CPEB2: variants seen among roughly 807,000 people sequenced by gnomAD.
CPEB2 encodes cytoplasmic polyadenylation element-binding protein 2.
In CPEB2, 56 loss-of-function variants were observed where a neutral mutation model predicts 93.6. The ratio of observed to expected loss-of-function variants is 0.60; its 90% confidence interval spans 0.48 to 0.75. The LOEUF (loss-of-function observed/expected upper bound fraction) is 0.75. Among genes scored for constraint, CPEB2 ranks in the 30% least tolerant of loss-of-function variants. The pLI, the probability that CPEB2 is intolerant of heterozygous loss-of-function variation, is 0.00. For synonymous variants in CPEB2, 764 were observed against 586.3 expected (o/e 1.30, Z -4.38); for missense variants, 1,579 against 1,395.1 (o/e 1.13, Z -2.10).
chr4:15,058,317 G>T, intron 8 of CPEB2, 104 bp from the exon 9 acceptor site: 1 of 688,304 alleles, frequency 1.5e-6, no homozygotes, highest in Non-Finnish European at 2.6e-6. Flanking sequence ...CTATTTGATA[G>T]TTTGTTTTTT....
intron 5 of CPEB2, among the ~76,000 whole-genome samples, chr4:15,034,018 A>T (rs1221669086): frequency 6.6e-6 from 1 of 152,232 alleles, no homozygotes; most frequent in Non-Finnish European, 1.5e-5. Flanking sequence ...AAAGACTGAA[A>T]ATAAGGTACA....
intron 5 of CPEB2, among the ~76,000 whole-genome samples, chr4:15,036,736 G>A (rs1486270944): frequency 6.6e-6 from 1 of 152,152 alleles, no homozygotes; most frequent in East Asian, 1.9e-4. Flanking sequence ...AATGGTATTA[G>A]CAAGCTAGTT....
rs150973031 is a variant in CPEB2 at position 15,063,434 on chromosome 4, C to T, written c.2877+1174C>T. Among the ~76,000 whole-genome samples the T allele has an allele frequency of 9.4e-3, 1,417 of 151,330 alleles. 28 individuals are homozygous for T. Among genetic ancestry groups the T allele is most frequent in the African/African-American group, 0.033 (1,350 of 41,254 alleles). On this transcript the variant is annotated intron_variant, in intron 11 of 11. Coordinates refer to ENST00000538197, the MANE Select transcript of CPEB2 (RefSeq NM_001177382.2). ...GACACGCATACGTAACTTTTCTGAACTTGTCTGAACATTAAGAGTTCCTGT... is the reference window on the plus strand; with the variant it reads ...GACACGCATACGTAACTTTTCTGAATTTGTCTGAACATTAAGAGTTCCTGT...
At chr4:15,004,425 C>G in intron 1 of CPEB2, 90 bp downstream of exon 1, 1 of 1,006,866 alleles carries the variant, frequency 9.9e-7, no homozygotes, top group South Asian at 2.0e-5. Context: ...GGGACCCGAC[C>G]TTAGCCCCGA....
intron 6 of CPEB2, among the ~76,000 whole-genome samples, chr4:15,046,632 A>T (rs1046890514): frequency 2.0e-5 from 3 of 152,118 alleles, no homozygotes. Flanking sequence ...GCACCTTTTC[A>T]TGTGCTTCTA....
chr4:15,049,700 A>G (rs1001482928), intron 6 of CPEB2, among the ~76,000 whole-genome samples: 8 of 152,214 alleles, frequency 5.3e-5, no homozygotes, highest in Non-Finnish European at 8.8e-5. Flanking sequence ...GCGGTATTTG[A>G]AAAGTTAAGC....
At chr4:15,054,069 AT>A in intron 7 of CPEB2, 58 bp from the exon 8 acceptor site, 1 of 1,168,866 alleles carries the variant, frequency 8.6e-7, no homozygotes, top group East Asian at 2.4e-5. Flanking sequence ...ACAGTACAGA[AT>A]TTCTTAGAAC....
chr4:15,007,022 C>T (rs571399230), intron 1 of CPEB2, among the ~76,000 whole-genome samples: 1 of 152,034 alleles, frequency 6.6e-6, no homozygotes, highest in Non-Finnish European at 1.5e-5. Flanking sequence ...ATCATGTATA[C>T]AGTTATCTCT....
chr4:15,003,042 C>G lies in CPEB2; in HGVS notation c.369C>G (p.Pro123=), dbSNP rs1310491605. Residue 123 remains proline (P), a synonymous_variant, in exon 1 of 12, where the codon CCC becomes CCG. Coordinates refer to ENST00000538197, the MANE Select transcript of CPEB2 (RefSeq NM_001177382.2). ...CGGAGAAACTCCCCGACCACCACCC[C>G]GGCGGCGGCACGATCGCGGGTGTGA... is the stretch of plus-strand genomic sequence containing the variant. The part of the protein sequence containing the change: ...AATEKLPDHH[P]GGGTIAGVTH... 2 of 1,511,838 alleles carry G rather than the reference C, an allele frequency of 1.3e-6. No homozygotes were observed. Among genetic ancestry groups the G allele is most frequent in the Admixed American group, 2.3e-5 (1 of 44,000 alleles). The allele number at this position is 1,511,838 out of a possible 1,614,324, so 93.7% of individuals were successfully genotyped here.
chr4:15,034,432 A>G (rs1271228040), intron 5 of CPEB2, among the ~76,000 whole-genome samples: 1 of 152,220 alleles, frequency 6.6e-6, no homozygotes, highest in Admixed American at 6.5e-5. Flanking sequence ...TAGGTTGAAA[A>G]GTGTTTCATC....
intron 4 of CPEB2, chr4:15,017,979 T>C (rs979279016): frequency 6.6e-6 from 1 of 151,922 alleles, no homozygotes; most frequent in Admixed American, 6.6e-5. Flanking sequence ...AATTGTCTAT[T>C]TGAGTCATGA....
chr4:15,041,533 G>T (rs1418054679), intron 6 of CPEB2, among the ~76,000 whole-genome samples: 1 of 151,884 alleles, frequency 6.6e-6, no homozygotes, highest in Non-Finnish European at 1.5e-5. Context: ...CTCCCAAGTA[G>T]CTGGGATTAC....
Position 15,002,954 on chromosome 4 carries a change from AG to A in CPEB2, c.283del (p.Asp95MetfsTer7). On this transcript the variant is annotated frameshift_variant, in exon 1 of 12. Transcript: ENST00000538197. LOFTEE classifies it high-confidence loss of function. ...TTCCTGGCGCATCAGCAGACCATGC[AG>A]GATGAGCTGCTTCTGGGGCTGACAC... ...SPFLAHQQTMQDELLLGLTQQ... is the reference protein window; with the variant it reads ...SPFLAHQQTMXDELLLGLTQQ... 1 of 1,513,408 alleles carries A rather than the reference AG, an allele frequency of 6.6e-7. No individual in the cohort carries two copies. The highest frequency in any genetic ancestry group is 8.8e-7 in the Non-Finnish European group (1 of 1,140,884). 93.7% of individuals were successfully genotyped at this position (1,513,408 alleles called of 1,614,324 possible).
chr4:15,059,422 G>T (rs938796094), intron 10 of CPEB2, 121 bp downstream of exon 10: 1 of 515,472 alleles, frequency 1.9e-6, no homozygotes. Context: ...AGCAGATTCT[G>T]CATGCACCAA....
intron 4 of CPEB2, among the ~76,000 whole-genome samples, chr4:15,022,151 CTAG>C (rs1724882351): frequency 1.3e-5 from 2 of 152,202 alleles, no homozygotes; most frequent in South Asian, 4.1e-4. Flanking sequence ...AGGGCCCACC[CTAG>C]AAGTGGTGTA....
At position 15,003,983 on chromosome 4, in the gene CPEB2, C is replaced by G; in HGVS notation, c.1310C>G (p.Ala437Gly). The change falls in exon 1 of 12, where the codon GCC becomes GGC. Residue 437 changes from alanine (A) to glycine (G), a missense_variant. By Grantham distance (60) the Ala-to-Gly change is moderately conservative. Coordinates refer to ENST00000538197, the MANE Select transcript of CPEB2 (RefSeq NM_001177382.2). ...PGGGSGGSLS[A>G]MPPPSPDSEN... ...GGCGGCAGCGGCGGCTCGCTCAGCGCCATGCCGCCGCCCAGCCCCGACTCA... is the reference window on the plus strand; with the variant it reads ...GGCGGCAGCGGCGGCTCGCTCAGCGGCATGCCGCCGCCCAGCCCCGACTCA... The G allele has an allele frequency of 6.8e-7, 1 of 1,476,686 alleles. No homozygotes were observed. The highest frequency in any genetic ancestry group is 9.0e-7 in the Non-Finnish European group (1 of 1,112,270). The allele number at this position is 1,476,686 out of a possible 1,614,324, so 91.5% of individuals were successfully genotyped here.
intron 5 of CPEB2, among the ~76,000 whole-genome samples, chr4:15,036,362 G>A (rs1387127780): frequency 6.6e-6 from 1 of 152,102 alleles, no homozygotes; most frequent in East Asian, 1.9e-4. Context: ...CAAATATGTT[G>A]AAGAGTCCGT....
At chr4:15,061,882 A>G (rs1729217081) in intron 10 of CPEB2, among the ~76,000 whole-genome samples, 197 bp from the exon 11 acceptor site, 1 of 147,446 alleles carries the variant, frequency 6.8e-6, no homozygotes, top group South Asian at 2.2e-4. Context: ...GGTAGATGTG[A>G]TGGTGGTGAG....
At chr4:15,031,232 T>C (rs1461380735) in intron 4 of CPEB2, among the ~76,000 whole-genome samples, 3 of 151,894 alleles carry the variant, frequency 2.0e-5, no homozygotes, top group Admixed American at 6.6e-5. Flanking sequence ...AATTAACTTA[T>C]TATGCTGAAC....
Sources: gnomAD v4.1 joint callset for allele counts (sites outside exome capture counted in the v4.1 genomes callset) on GRCh38, gnomAD v4.1.1 for gene constraint, MANE v1.5 for transcripts, NCBI Gene and HGNC (gene_info 2026-07-23, HGNC 2026-07-21) for gene names.